The following PCDHA8 variants were observed in gnomAD, a reference collection of about 807,000 sequenced individuals.
The protein encoded by PCDHA8 is protocadherin alpha-8.
In PCDHA8, 53 loss-of-function variants were observed where a neutral mutation model predicts 61.8. The ratio of observed to expected loss-of-function variants is 0.86; its 90% confidence interval spans 0.69 to 1.08. The LOEUF (loss-of-function observed/expected upper bound fraction) is 1.08. PCDHA8 is among the 50% of genes least tolerant of loss of function. The probability of loss-of-function intolerance (pLI) is 0.00; values close to 1 mark genes in which losing one functional copy is unlikely to be tolerated. For synonymous variants in PCDHA8, 618 were observed against 556.6 expected (o/e 1.11, Z -1.55); for missense variants, 1,293 against 1,245.0 (o/e 1.04, Z -0.58).
At chr5:140,867,227 T>C (rs73793506) in intron 1 of PCDHA8, 1 of 152,106 alleles carries the variant, frequency 6.6e-6, no homozygotes, top group African/African-American at 2.4e-5. Context: ...CCAATTCCCA[T>C]AATAAGGTGA....
At chr5:140,859,867 T>C (rs1265494119) in intron 1 of PCDHA8, 1 of 152,016 alleles carries the variant, frequency 6.6e-6, no homozygotes, top group Non-Finnish European at 1.5e-5. Flanking sequence ...AATATATACT[T>C]CCCCCTCTGA....
chr5:140,918,899 C>G (rs2078917474), intron 1 of PCDHA8, among the ~76,000 whole-genome samples: 1 of 152,206 alleles, frequency 6.6e-6, no homozygotes, highest in African/African-American at 2.4e-5. Context: ...AAATAAATCT[C>G]TCTTGTTTAT....
At chr5:140,863,452 G>T in intron 1 of PCDHA8, 2 of 561,032 alleles carry the variant, frequency 3.6e-6, no homozygotes, top group Non-Finnish European at 6.8e-6. Flanking sequence ...TCGCAGCAAA[G>T]GAGATTTTAC....
chr5:140,871,438 C>T, intron 1 of PCDHA8: 1 of 1,611,836 alleles, frequency 6.2e-7, no homozygotes. Context: ...TCCTCTAGGT[C>T]TGAATAAAGA....
At chr5:140,902,301 G>A (rs943083254) in intron 1 of PCDHA8, among the ~76,000 whole-genome samples, 1 of 149,570 alleles carries the variant, frequency 6.7e-6, no homozygotes, top group African/African-American at 2.5e-5. Context: ...GCCTCCCAAA[G>A]TGCTGGGATT....
chr5:140,850,624 T>C (rs2150491182), intron 1 of PCDHA8: 1 of 1,598,468 alleles, frequency 6.3e-7, no homozygotes, highest in African/African-American at 1.3e-5. Flanking sequence ...GTGTCTAGCC[T>C]GTTGGTTCTC....
chr5:140,985,801 A>G (rs2097171670), intron 3 of PCDHA8, among the ~76,000 whole-genome samples: 1 of 135,588 alleles, frequency 7.4e-6, no homozygotes, highest in Admixed American at 8.6e-5. Flanking sequence ...GTGCAGTGGC[A>G]CGATCTCAGC....
At chr5:140,906,323 A>C (rs1487570044) in intron 1 of PCDHA8, among the ~76,000 whole-genome samples, 1 of 152,212 alleles carries the variant, frequency 6.6e-6, no homozygotes, top group Admixed American at 6.5e-5. Flanking sequence ...AACATGATAC[A>C]ACTATCCTTC....
chr5:140,882,392 G>T (rs781850899), intron 1 of PCDHA8: 5 of 1,614,058 alleles, frequency 3.1e-6, no homozygotes, highest in Middle Eastern at 1.6e-4. Flanking sequence ...AGCAAAACAC[G>T]GCACCTTCGT....
intron 1 of PCDHA8, among the ~76,000 whole-genome samples, chr5:140,976,475 C>T (rs1160749030): frequency 1.3e-5 from 2 of 151,996 alleles, no homozygotes; most frequent in Non-Finnish European, 1.5e-5. Flanking sequence ...TGCTTGAATC[C>T]GGGAGGCAGA....
intron 1 of PCDHA8, among the ~76,000 whole-genome samples, chr5:140,941,941 T>G (rs1461291615): frequency 1.3e-5 from 2 of 152,246 alleles, no homozygotes; most frequent in Admixed American, 1.3e-4. Context: ...TGAATTACTT[T>G]TGTTTTGAAA....
rs114640080 is a variant in PCDHA8, at chr5:140,841,887, A to C, written c.566A>C (p.Asn189Thr). The C allele has an allele frequency of 8.3e-4, 1,346 of 1,613,824 alleles. 14 individuals are homozygous for C. In the African/African-American group the frequency reaches 0.016, roughly 20 times the overall value. ...MLDVNSKNDE[N>T]KLVELVLRKS... ...GATGTGAATTCAAAGAACGATGAGA[A>C]TAAACTGGTTGAGCTCGTATTAAGA... Residue 189 changes from asparagine to threonine, a missense_variant, in exon 1 of 4, where the codon AAT becomes ACT. Transcript: ENST00000531613.
rs1436841742 is a variant in PCDHA8, at chr5:140,852,718, G to A, written c.2394+9003G>A. 4.1e-6 allele frequency: 4 copies of A among 981,606 alleles called. 1 individual carries two copies. The highest frequency in any genetic ancestry group is 4.9e-6 in the Non-Finnish European group (4 of 814,578). 60.8% of individuals were successfully genotyped at this position (981,606 alleles called of 1,614,324 possible). ...CTTTCAAGTATCTTTGTCTTTGCAC[G>A]TTTTTCAAGTTTCATGTGCCATTTA... is the stretch of plus-strand genomic sequence containing the variant. On this transcript the variant is annotated intron_variant, in intron 1 of 3. Coordinates refer to ENST00000531613, the MANE Select transcript of PCDHA8 (RefSeq NM_018911.3).
intron 1 of PCDHA8, among the ~76,000 whole-genome samples, chr5:140,899,424 T>A (rs1437811361): frequency 6.6e-6 from 1 of 152,206 alleles, no homozygotes; most frequent in African/African-American, 2.4e-5. Flanking sequence ...TTGTCAAAGG[T>A]CTTTTCTGCA....
intron 3 of PCDHA8, among the ~76,000 whole-genome samples, chr5:140,997,131 C>G (rs577407385): frequency 6.6e-6 from 1 of 152,008 alleles, no homozygotes; most frequent in Admixed American, 6.6e-5. Flanking sequence ...ACACAATGCC[C>G]CCACACCCCC....
intron 1 of PCDHA8, chr5:140,851,364 T>A (rs1293968731): frequency 6.1e-6 from 6 of 975,758 alleles, no homozygotes; most frequent in African/African-American, 1.8e-5. Flanking sequence ...ACTGTGAACA[T>A]CTGATTGTTC....
In PCDHA8 at chr5:140,926,779, C is replaced by T. The variant is rs1262086128; in HGVS notation, c.2395-52170C>T. 8 of 1,398,696 alleles carry T rather than the reference C, an allele frequency of 5.7e-6. No individual in the cohort carries two copies. In the South Asian group the frequency reaches 1.2e-4, roughly 21 times the overall value. 86.6% of individuals were successfully genotyped at this position (1,398,696 alleles called of 1,614,324 possible). A position where few individuals can be genotyped will look rare whatever the true frequency, so the allele number is the denominator to read the frequency against. On this transcript the variant is annotated intron_variant, in intron 1 of 3. Transcript: ENST00000531613. ...CTGAGTATCCAGCCCGCAGCAGTGACGGCCGGCAGGAGCGTGCTCTTCCCC... is the reference window on the plus strand; with the variant it reads ...CTGAGTATCCAGCCCGCAGCAGTGATGGCCGGCAGGAGCGTGCTCTTCCCC...
Position 140,853,516 on chromosome 5 carries a change from C to T in PCDHA8, c.2394+9801C>T, listed in dbSNP as rs546400632. On this transcript the variant is annotated intron_variant, in intron 1 of 3. Coordinates refer to ENST00000531613, the MANE Select transcript of PCDHA8 (RefSeq NM_018911.3). The stretch of plus-strand genomic sequence containing the variant: ...TTAGAATCATGAAACAATAATGAAG[C>T]TCCTCCTATGTCTCTTTTCAAGTTG... 3.7e-4 allele frequency: 362 copies of T among 976,264 alleles called. 18 individuals are homozygous for T. In the South Asian group the frequency reaches 0.015, roughly 41 times the overall value. The allele number at this position is 976,264 out of a possible 1,614,324, so 60.5% of individuals were successfully genotyped here.
intron 1 of PCDHA8, chr5:140,930,393 CTT>C (rs879960332): frequency 4.1e-5 from 6 of 145,282 alleles, no homozygotes; most frequent in Admixed American, 6.9e-5. Flanking sequence ...TTCAAAACTT[CTT>C]TTTTTTTTTT....
Sources: gnomAD v4.1 joint callset for allele counts (sites outside exome capture counted in the v4.1 genomes callset) on GRCh38, gnomAD v4.1.1 for gene constraint, MANE v1.5 for transcripts, NCBI Gene and HGNC (gene_info 2026-07-23, HGNC 2026-07-21) for gene names.